THTPA: variants seen among roughly 807,000 people sequenced by gnomAD.
THTPA encodes the protein thiamine triphosphatase.
THTPA carries 16 observed loss-of-function variants against 16.5 expected under a neutral mutation model. That is an observed-to-expected ratio of 0.97 (90% confidence interval 0.66 to 1.47). The LOEUF is 1.47. THTPA is among the 40% of genes most tolerant of loss of function. THTPA has a pLI of 0.00. For synonymous variants in THTPA, 110 were observed against 115.5 expected (o/e 0.95, Z 0.30); for missense variants, 281 against 280.9 (o/e 1.00, Z 0.00).
At chr14:23,523,314 C>T in the THTPA span, 1 of 1,451,618 alleles carries the variant, frequency 6.9e-7, no homozygotes, top group African/African-American at 1.4e-5. The surrounding 1 kb of genome is among the most constrained non-coding windows in gnomAD (Gnocchi z 4.1). Context: ...GGCATGGAGG[C>T]AGGTGTGGTG....
chr14:23,557,355 T>C (rs1882525472), intron 1 of THTPA, 51 bp downstream of exon 1: 2 of 1,498,180 alleles, frequency 1.3e-6, no homozygotes, highest in African/African-American at 2.8e-5. Context: ...CTTTTCTCTT[T>C]TGGAGGCACC....
At chr14:23,520,289 C>G in the THTPA span, among the ~76,000 whole-genome samples, 4 of 151,822 alleles carry the variant, frequency 2.6e-5, no homozygotes, top group Admixed American at 2.6e-4. The surrounding 1 kb of genome is among the most constrained non-coding windows in gnomAD (Gnocchi z 8.7). Context: ...AACGGAGAAG[C>G]TGGGCTGGGC....
chr14:23,543,044 A>C, the THTPA span: 1 of 152,210 alleles, frequency 6.6e-6, no homozygotes, highest in African/African-American at 2.4e-5. Context: ...ATTCTGAGTG[A>C]CCGTGTATGT....
chr14:23,520,173 A>G, the THTPA span, among the ~76,000 whole-genome samples: 2 of 152,170 alleles, frequency 1.3e-5, no homozygotes, highest in East Asian at 3.9e-4. The surrounding 1 kb of genome is among the most constrained non-coding windows in gnomAD (Gnocchi z 8.7). Flanking sequence ...TGCTTCAGTC[A>G]TCTCCTTGCC....
At chr14:23,529,430 C>G in the THTPA span, 23 of 407,682 alleles carry the variant, frequency 5.6e-5, no homozygotes, top group Non-Finnish European at 9.9e-5. Context: ...CATGTACCCC[C>G]ACTCTTTCCT....
the THTPA span, chr14:23,533,800 C>A: frequency 6.5e-7 from 1 of 1,547,844 alleles, no homozygotes. This position sits in a 1 kb window ranked among gnomAD's most constrained non-coding sequence, Gnocchi z 4.8. Context: ...GACGTCACAG[C>A]GGTAGGGTTT....
At chr14:23,528,746 T>C in the THTPA span, 4 of 985,426 alleles carry the variant, frequency 4.1e-6, no homozygotes, top group Non-Finnish European at 4.8e-6. Context: ...GCTCCCCCAG[T>C]GGCCCAGGAA....
chr14:23,534,897 G>A, the THTPA span: 1 of 1,536,148 alleles, frequency 6.5e-7, no homozygotes, highest in Non-Finnish European at 8.7e-7. The surrounding 1 kb of genome is among the most constrained non-coding windows in gnomAD (Gnocchi z 4.5). Flanking sequence ...CCTCACCCCA[G>A]GGGAAGCCCT....
At chr14:23,521,622 A>T in the THTPA span, 1 of 242,126 alleles carries the variant, frequency 4.1e-6, no homozygotes, top group Non-Finnish European at 8.0e-6. Context: ...AGTGAGGAAA[A>T]GGAAGATAGA....
chr14:23,545,227 C>T, the THTPA span, among the ~76,000 whole-genome samples: 3 of 152,162 alleles, frequency 2.0e-5, no homozygotes, highest in Non-Finnish European at 4.4e-5. Context: ...CGTTAATTTG[C>T]CACTTCAGTT....
chr14:23,527,466 C>T, the THTPA span: 3 of 1,172,440 alleles, frequency 2.6e-6, no homozygotes, highest in Admixed American at 2.1e-5. Context: ...ACCGTCCTCA[C>T]CCAGCCAACA....
upstream of THTPA, among the ~76,000 whole-genome samples, chr14:23,553,377 A>T (rs1394530261): frequency 6.6e-6 from 1 of 151,956 alleles, no homozygotes; most frequent in Non-Finnish European, 1.5e-5. Flanking sequence ...AGGTGGGTAG[A>T]TCACCTGAGG....
At chr14:23,519,268 C>T in the THTPA span, among the ~76,000 whole-genome samples, 10,971 of 152,090 alleles carry the variant, frequency 0.072, 909 homozygotes, top group East Asian at 0.22. Context: ...TCATTCCATG[C>T]CAGGTGTTTG....
At chr14:23,521,479 G>A in the THTPA span, 2 of 154,922 alleles carry the variant, frequency 1.3e-5, no homozygotes, top group Admixed American at 1.3e-4. Context: ...TTTGCCTTGG[G>A]CTTTCTTTTT....
At chr14:23,533,986 C>T in the THTPA span, 12 of 1,537,302 alleles carry the variant, frequency 7.8e-6, no homozygotes, top group Admixed American at 3.9e-5. This position sits in a 1 kb window ranked among gnomAD's most constrained non-coding sequence, Gnocchi z 4.8. Context: ...GCAGGAGTTG[C>T]GTGAGTGGAG....
chr14:23,523,476 C>G, the THTPA span: 2 of 1,536,198 alleles, frequency 1.3e-6, no homozygotes, highest in Non-Finnish European at 1.7e-6. This position sits in a 1 kb window ranked among gnomAD's most constrained non-coding sequence, Gnocchi z 4.1. Context: ...ACATAGAAAT[C>G]ATACTTGACA....
At position 23,559,434 on chromosome 14, in the gene THTPA, A is replaced by G. The variant is rs1277153537; in HGVS notation, c.*594A>G. On this transcript the variant is annotated 3_prime_UTR_variant, in exon 2 of 2. Coordinates refer to ENST00000288014, the MANE Select transcript of THTPA (RefSeq NM_024328.6). ...ACCTGGAGAGGGTTAGAAAGAACCA[A>G]CAGCTGCCCCCTCCCCGCCCCCGTG... The G allele has an allele frequency of 5.6e-6, 2 of 358,382 alleles. No individual in the cohort carries two copies. The highest frequency in any genetic ancestry group is 6.7e-5 in the East Asian group (1 of 14,904). The allele number at this position is 358,382 out of a possible 1,614,324, so 22.2% of individuals were successfully genotyped here. A position where few individuals can be genotyped will look rare whatever the true frequency, so the allele number is the denominator to read the frequency against.
chr14:23,530,460 A>G, the THTPA span: 1 of 644,630 alleles, frequency 1.6e-6, no homozygotes, highest in South Asian at 1.5e-5. Context: ...CCAGCAGTAG[A>G]CAGCAGAAAC....
the THTPA span, among the ~76,000 whole-genome samples, chr14:23,537,623 G>A: frequency 1.3e-5 from 2 of 152,164 alleles, no homozygotes; most frequent in Non-Finnish European, 2.9e-5. Context: ...ATCAGCACCT[G>A]GGAAAGGGGT....
Sources: gnomAD v4.1 joint callset for allele counts (sites outside exome capture counted in the v4.1 genomes callset) on GRCh38, gnomAD v4.1.1 for gene constraint, Gnocchi (gnomAD v3.1) non-coding constraint, MANE v1.5 for transcripts, NCBI Gene and HGNC (gene_info 2026-07-23, HGNC 2026-07-21) for gene names.